CORO1C: variants seen among roughly 807,000 people sequenced by gnomAD.
CORO1C encodes the protein coronin 1C, also known as coronin-1C.
CORO1C carries 14 observed loss-of-function variants against 51.2 expected under a neutral mutation model. The observed-to-expected ratio is 0.27, with a 90% CI of 0.18 to 0.43. The LOEUF (loss-of-function observed/expected upper bound fraction) is 0.43, where lower values mean the gene tolerates loss of function less well. Ranked by LOEUF, CORO1C falls within the 20% of genes least tolerant of loss-of-function variation. CORO1C has a pLI of 1.00. For synonymous variants in CORO1C, 181 were observed against 210.5 expected (o/e 0.86, Z 1.21); for missense variants, 417 against 607.8 (o/e 0.69, Z 3.30).
Position 108,654,430 on chromosome 12 carries a change from A to AATAC in CORO1C, c.751-24_751-21dup. On this transcript the variant is annotated intron_variant, in intron 6 of 10. Coordinates refer to ENST00000261401, the MANE Select transcript of CORO1C (RefSeq NM_014325.4). ...ATTTTTCTGGGGGGAAGATAATAAT[A>AATAC]ATACATATATGTGTATGTATACATT... The AATAC allele has an allele frequency of 1.5e-6, 2 of 1,372,002 alleles. No individual in the cohort carries two copies. Among genetic ancestry groups the AATAC allele is most frequent in the East Asian group, 4.6e-5 (2 of 43,680 alleles). The allele number at this position is 1,372,002 out of a possible 1,614,324, so 85.0% of individuals were successfully genotyped here.
At chr12:108,721,795 A>G (rs1382623096) in intron 1 of CORO1C, among the ~76,000 whole-genome samples, 2 of 152,140 alleles carry the variant, frequency 1.3e-5, no homozygotes, top group Non-Finnish European at 2.9e-5. Context: ...AGCTCTGGCC[A>G]TTATAAGATG....
intron 2 of CORO1C, chr12:108,700,884 C>T (rs555600569): frequency 6.7e-6 from 3 of 448,186 alleles, no homozygotes; most frequent in African/African-American, 1.9e-5. Flanking sequence ...CTCACAACAT[C>T]GTTATAATAA....
chr12:108,675,486 G>C (rs1007907360), intron 3 of CORO1C, among the ~76,000 whole-genome samples: 1 of 151,982 alleles, frequency 6.6e-6, no homozygotes, highest in African/African-American at 2.4e-5. Flanking sequence ...AAAATGAAAG[G>C]AACGGGGAAA....
Position 108,645,258 on chromosome 12 carries a change from AG to A in CORO1C, c.*2144del, listed in dbSNP as rs2136785617. The A allele has an allele frequency of 1.3e-5, 2 of 151,370 alleles. 1 individual carries two copies. The highest frequency in any genetic ancestry group is 4.2e-4 in the South Asian group (2 of 4,782). 9.4% of individuals were successfully genotyped at this position (151,370 alleles called of 1,614,324 possible). Reference sequence around the variant, plus strand: ...AAAAAAAAAAAAAAAAAGACAAAACAGGAAAATAATCCACAATGCTTTGGGC... The same window carrying A: ...AAAAAAAAAAAAAAAAAGACAAAACAGAAAATAATCCACAATGCTTTGGGC... On this transcript the variant is annotated 3_prime_UTR_variant, in exon 11 of 11. Transcript: ENST00000261401.
intron 1 of CORO1C, among the ~76,000 whole-genome samples, chr12:108,719,715 G>T (rs76900183): frequency 6.6e-6 from 1 of 152,126 alleles, no homozygotes; most frequent in African/African-American, 2.4e-5. Context: ...TGACAATAGC[G>T]CATTAAAGGA....
intron 6 of CORO1C, among the ~76,000 whole-genome samples, chr12:108,655,936 A>G (rs2032950890): frequency 6.9e-6 from 1 of 145,028 alleles, no homozygotes; most frequent in Non-Finnish European, 1.5e-5. Flanking sequence ...GGAAGTGAGG[A>G]GCGTCTCTGC....
At chr12:108,697,150 T>C (rs1487728200) in intron 2 of CORO1C, among the ~76,000 whole-genome samples, 1 of 152,226 alleles carries the variant, frequency 6.6e-6, no homozygotes, top group African/African-American at 2.4e-5. Context: ...CCTTATTTAC[T>C]GCTGACACTA....
chr12:108,724,247 A>G (rs1450920383), intron 1 of CORO1C, among the ~76,000 whole-genome samples: 1 of 152,246 alleles, frequency 6.6e-6, no homozygotes. Context: ...CTGGCAAAAG[A>G]GCATGACGAA....
At chr12:108,648,554 G>C in intron 10 of CORO1C, 51 bp downstream of exon 10, 1 of 1,608,232 alleles carries the variant, frequency 6.2e-7, no homozygotes, top group Non-Finnish European at 8.5e-7. Flanking sequence ...GGGCTTTCTA[G>C]AGGATAAAGC....
chr12:108,703,131 TC>T (rs1321842475), intron 1 of CORO1C: 5 of 507,350 alleles, frequency 9.9e-6, no homozygotes, highest in Admixed American at 7.5e-5. Flanking sequence ...GGGCTCCACT[TC>T]CCCACACAAC....
chr12:108,655,568 G>C (rs1420932349), intron 6 of CORO1C, among the ~76,000 whole-genome samples: 1 of 152,228 alleles, frequency 6.6e-6, no homozygotes, highest in East Asian at 1.9e-4. Flanking sequence ...TTTTGGTGGA[G>C]ACGGGGTTTC....
At chr12:108,700,866 T>C (rs112295412) in intron 2 of CORO1C, 30 of 365,142 alleles carry the variant, frequency 8.2e-5, no homozygotes, top group African/African-American at 5.3e-4. Flanking sequence ...TTCCTATGCC[T>C]GCCCATGCTC....
chr12:108,689,433 A>G (rs1477386670), intron 2 of CORO1C, among the ~76,000 whole-genome samples: 3 of 152,198 alleles, frequency 2.0e-5, no homozygotes, highest in South Asian at 2.1e-4. Context: ...TATCCCACAC[A>G]CAATTTCTTT....
Position 108,701,241 on chromosome 12 carries a change from G to A in CORO1C, c.78C>T (p.Asp26=). Residue 26 remains aspartate (D), a synonymous_variant, in exon 2 of 11, where the codon GAC becomes GAT. Transcript: ENST00000261401. ...QAVKNDQCYD[D]IRVSRVTWDS... ...CCCAGGTCACACGAGAAACCCGGAT[G>A]TCATCATAGCACTGGTCATTTTTCA... 1 of 1,614,170 alleles carries A rather than the reference G, an allele frequency of 6.2e-7. No individual in the cohort carries two copies. Among genetic ancestry groups the A allele is most frequent in the Non-Finnish European group, 8.5e-7 (1 of 1,180,020 alleles).
chr12:108,715,644 TC>T (rs905390161), intron 1 of CORO1C, among the ~76,000 whole-genome samples: 4 of 33,758 alleles, frequency 1.2e-4, no homozygotes, highest in South Asian at 1.5e-3. Context: ...CCTCCCCCCC[TC>T]CCCCCCGCAT....
At chr12:108,671,295 A>G (rs1298580247) in intron 3 of CORO1C, among the ~76,000 whole-genome samples, 3 of 152,094 alleles carry the variant, frequency 2.0e-5, no homozygotes, top group African/African-American at 7.2e-5. Context: ...ACTGTACTCC[A>G]GCCTGGGTGA....
chr12:108,689,363 A>G (rs1472703597), intron 2 of CORO1C, among the ~76,000 whole-genome samples: 1 of 152,254 alleles, frequency 6.6e-6, no homozygotes, highest in Non-Finnish European at 1.5e-5. Context: ...GGTGATAAAA[A>G]GTGACACATT....
intron 2 of CORO1C, among the ~76,000 whole-genome samples, chr12:108,696,854 TC>T (rs1043702896): frequency 1.3e-5 from 2 of 152,200 alleles, no homozygotes; most frequent in African/African-American, 4.8e-5. Context: ...CTGAGGACTT[TC>T]TATATTCCTC....
At chr12:108,711,783 C>T (rs2035188358) in intron 1 of CORO1C, among the ~76,000 whole-genome samples, 1 of 151,822 alleles carries the variant, frequency 6.6e-6, no homozygotes. Flanking sequence ...GCAACAGCAC[C>T]AAATAAAATA....
Sources: gnomAD v4.1 joint callset for allele counts (sites outside exome capture counted in the v4.1 genomes callset) on GRCh38, gnomAD v4.1.1 for gene constraint, MANE v1.5 for transcripts, NCBI Gene and HGNC (gene_info 2026-07-23, HGNC 2026-07-21) for gene names.